Variants in PLXDC1 observed in about 807,000 individuals in gnomAD.
PLXDC1 encodes the protein plexin domain containing 1.
In PLXDC1, 39 loss-of-function variants were observed where a neutral mutation model predicts 61.3. That is an observed-to-expected ratio of 0.64 (90% CI 0.49 to 0.83). PLXDC1 has a LOEUF of 0.83. Among genes scored for constraint, PLXDC1 ranks in the 40% least tolerant of loss-of-function variants. PLXDC1 has a pLI of 0.00. For synonymous variants in PLXDC1, 212 were observed against 254.5 expected, an observed-to-expected ratio of 0.83 and a Z score of 1.59; for missense variants, 596 against 666.5, an observed-to-expected ratio of 0.89 and a Z score of 1.17.
intron 1 of PLXDC1, among the ~76,000 whole-genome samples, chr17:39,149,031 C>T (rs1326631919): frequency 2.0e-5 from 3 of 152,136 alleles, no homozygotes; most frequent in Non-Finnish European, 2.9e-5. Flanking sequence ...TTCCATCTGA[C>T]CAGACTGTCA....
intron 1 of PLXDC1, among the ~76,000 whole-genome samples, chr17:39,145,138 G>C (rs1285825837): frequency 1.3e-5 from 2 of 152,132 alleles, no homozygotes; most frequent in Non-Finnish European, 2.9e-5. Flanking sequence ...AATCCCCACT[G>C]TTTCCCAGGG....
intron 1 of PLXDC1, among the ~76,000 whole-genome samples, chr17:39,148,829 G>A (rs1249269695): frequency 1.3e-5 from 2 of 152,104 alleles, no homozygotes; most frequent in African/African-American, 4.8e-5. Context: ...CTCCCAAAGT[G>A]TTAGGATCAC....
intron 2 of PLXDC1, among the ~76,000 whole-genome samples, chr17:39,120,914 C>T (rs963165240): frequency 3.3e-5 from 5 of 152,246 alleles, no homozygotes; most frequent in South Asian, 4.1e-4. Flanking sequence ...TGCGCCATCA[C>T]GCGCAGCTAA....
chr17:39,078,825 A>G (rs575924552), intron 10 of PLXDC1, among the ~76,000 whole-genome samples: 73 of 152,322 alleles, frequency 4.8e-4, no homozygotes, highest in African/African-American at 1.7e-3. Context: ...CATGCCCAAC[A>G]TCCCCTCTGC....
Position 39,064,899 on chromosome 17 carries a change from C to G in PLXDC1, c.*2941G>C, listed in dbSNP as rs1285938989. ...GCTCTCTGAATGAGGGAAGCACAGC[C>G]CACCAGCAGAGCATTTACCACCTGT... is the stretch of plus-strand genomic sequence containing the variant. On this transcript the variant is annotated 3_prime_UTR_variant, in exon 14 of 14. Transcript: ENST00000315392. The G allele has an allele frequency of 6.6e-6, 1 of 152,230 alleles. No individual in the cohort carries two copies. The highest frequency in any genetic ancestry group is 1.9e-4 in the East Asian group (1 of 5,192). 9.4% of individuals were successfully genotyped at this position (152,230 alleles called of 1,614,324 possible). A position where few individuals can be genotyped will look rare whatever the true frequency, so the allele number is the denominator to read the frequency against.
At chr17:39,152,795 G>GA (rs975485728), upstream of PLXDC1, 2,361 of 704,794 alleles carry the variant, frequency 3.3e-3, 1 homozygote, top group East Asian at 8.2e-3. Flanking sequence ...GAAAAGAAAA[G>GA]AAAAAAAAAC....
chr17:39,096,220 C>CAG (rs2143571627), intron 7 of PLXDC1, among the ~76,000 whole-genome samples: 1 of 152,318 alleles, frequency 6.6e-6, no homozygotes, highest in East Asian at 1.9e-4. Flanking sequence ...GGAGCCCCAG[C>CAG]AGGGGACCCT....
chr17:39,128,087 C>CTATGTGTGTATATATATATATATATA (rs1304464750), intron 2 of PLXDC1, among the ~76,000 whole-genome samples: 2 of 67,252 alleles, frequency 3.0e-5, no homozygotes, highest in Admixed American at 1.5e-4. Context: ...CTCTCTCTCT[C>CTATGTGTGTATATATATATATATATA]TCTCTATGTG....
At chr17:39,107,571 G>T in intron 5 of PLXDC1, 46 bp from the exon 6 acceptor site, 1 of 1,369,990 alleles carries the variant, frequency 7.3e-7, no homozygotes, top group South Asian at 1.2e-5. Flanking sequence ...ATCATGCAAG[G>T]AGCAGGGCCC....
In PLXDC1 at chr17:39,067,090, T is replaced by A. The variant is rs1567750828; in HGVS notation, c.*750A>T. The A allele has an allele frequency of 6.6e-6, 1 of 152,232 alleles. No homozygotes were observed. The highest frequency in any genetic ancestry group is 1.5e-5 in the Non-Finnish European group (1 of 68,052). 9.4% of individuals were successfully genotyped at this position (152,232 alleles called of 1,614,324 possible). A position where few individuals can be genotyped will look rare whatever the true frequency, so the allele number is the denominator to read the frequency against. On this transcript the variant is annotated 3_prime_UTR_variant, in exon 14 of 14. Coordinates refer to ENST00000315392, the MANE Select transcript of PLXDC1 (RefSeq NM_020405.5). ...CCTGTAACTGAGTCCAAATTCATTC[T>A]GCTTGCTGCGTCATAGCCAATACGT...
intron 7 of PLXDC1, among the ~76,000 whole-genome samples, chr17:39,103,956 T>C (rs1032196021): frequency 6.6e-6 from 1 of 152,184 alleles, no homozygotes; most frequent in Non-Finnish European, 1.5e-5. Flanking sequence ...CATGTGACTT[T>C]TTGTCCCTAG....
chr17:39,131,575 A>T (rs1229620928), intron 2 of PLXDC1, among the ~76,000 whole-genome samples: 4 of 150,906 alleles, frequency 2.7e-5, no homozygotes, highest in Non-Finnish European at 4.4e-5. Context: ...CTGGTCTTGA[A>T]CTCCTGACCT....
chr17:39,100,735 A>G (rs1320714843), intron 7 of PLXDC1, among the ~76,000 whole-genome samples: 1 of 152,228 alleles, frequency 6.6e-6, no homozygotes, highest in East Asian at 1.9e-4. Context: ...TGATACGGAG[A>G]TGATTTAACA....
At chr17:39,116,665 A>G (rs570733017) in intron 2 of PLXDC1, among the ~76,000 whole-genome samples, 2 of 152,360 alleles carry the variant, frequency 1.3e-5, no homozygotes, top group South Asian at 4.1e-4. Context: ...AACAAGGCAG[A>G]TACCTTCGGG....
intron 1 of PLXDC1, among the ~76,000 whole-genome samples, chr17:39,149,662 C>T (rs2045361497): frequency 1.3e-5 from 2 of 152,196 alleles, no homozygotes; most frequent in African/African-American, 4.8e-5. Context: ...CTGGTCTCCT[C>T]AACCGTCTAC....
intron 4 of PLXDC1, 60 bp from the exon 5 acceptor site, chr17:39,108,305 G>A: frequency 3.2e-6 from 5 of 1,583,690 alleles, no homozygotes; most frequent in Non-Finnish European, 4.3e-6. Context: ...CGCTTTGGGG[G>A]CCTTTTCCCC....
chr17:39,118,454 T>A (rs1449012311), intron 2 of PLXDC1, among the ~76,000 whole-genome samples: 2 of 152,162 alleles, frequency 1.3e-5, no homozygotes, highest in East Asian at 3.9e-4. Context: ...TCCACCCACC[T>A]TGGTCTCCCA....
intron 11 of PLXDC1, among the ~76,000 whole-genome samples, chr17:39,076,500 C>A (rs1909341313): frequency 6.8e-6 from 1 of 146,732 alleles, no homozygotes; most frequent in South Asian, 2.1e-4. Flanking sequence ...AAGAGTGAGA[C>A]CCTGTCTCAA....
chr17:39,076,925 G>A (rs981186934), intron 11 of PLXDC1, among the ~76,000 whole-genome samples: 2 of 152,070 alleles, frequency 1.3e-5, no homozygotes, highest in Non-Finnish European at 2.9e-5. Context: ...TAGTAGAGAT[G>A]GGTTTCACTG....
Sources: allele counts gnomAD v4.1 joint callset (sites outside exome capture counted in the v4.1 genomes callset), GRCh38; gene constraint gnomAD v4.1.1; transcripts MANE v1.5; gene names NCBI Gene and HGNC (gene_info 2026-07-23, HGNC 2026-07-21).